CUX1: variants seen among roughly 807,000 people sequenced by gnomAD.
The protein encoded by CUX1 is protein CASP.
A neutral mutation model predicts 158.8 loss-of-function variants in CUX1; 31 were observed. That is an observed-to-expected ratio of 0.20 (90% CI 0.15 to 0.26). CUX1 has a LOEUF of 0.26. Among genes scored for constraint, CUX1 ranks in the 10% least tolerant of loss-of-function variants. The pLI, the probability that CUX1 is intolerant of heterozygous loss-of-function variation, is 1.00. For missense variants in CUX1, 1,589 were observed against 2,014.6 expected, an observed-to-expected ratio of 0.79 and a Z score of 4.04; for synonymous variants, 879 against 862.1, an observed-to-expected ratio of 1.02 and a Z score of -0.34.
At chr7:101,882,020 A>G (rs1350286407) in intron 1 of CUX1, among the ~76,000 whole-genome samples, 1 of 71,884 alleles carries the variant, frequency 1.4e-5, no homozygotes, top group Non-Finnish European at 2.6e-5. Context: ...TCTACCCAAA[A>G]ATAAAAAAAA....
chr7:101,858,261 T>C (rs867229986), intron 1 of CUX1, among the ~76,000 whole-genome samples: 9 of 152,222 alleles, frequency 5.9e-5, no homozygotes, highest in Non-Finnish European at 8.8e-5. Flanking sequence ...AGCACATGGC[T>C]AAAAACCCGG....
intron 8 of CUX1, among the ~76,000 whole-genome samples, chr7:102,121,872 G>C (rs527854303): frequency 6.6e-6 from 1 of 152,130 alleles, no homozygotes; most frequent in African/African-American, 2.4e-5. Context: ...TCTGGTGCCA[G>C]CTTTGTAATC....
chr7:102,233,909 AT>A (rs1554531657), intron 21 of CUX1, 142 bp from the exon 22 acceptor site: 1 of 492,622 alleles, frequency 2.0e-6, no homozygotes, highest in African/African-American at 2.0e-5. Flanking sequence ...TTTCTACCAC[AT>A]GTTTGCTGTA....
chr7:101,881,534 C>T (rs1799704848), intron 1 of CUX1, among the ~76,000 whole-genome samples: 1 of 152,202 alleles, frequency 6.6e-6, no homozygotes, highest in Non-Finnish European at 1.5e-5. Flanking sequence ...GTTTCTTGCT[C>T]TTATCTTTGT....
At chr7:102,258,326 C>A, downstream of CUX1, 1 of 389,310 alleles carries the variant, frequency 2.6e-6, no homozygotes, top group Non-Finnish European at 3.5e-6. Context: ...TCAAGAATCG[C>A]CGTTCCCGAG....
chr7:102,201,818 G>A lies in CUX1; in HGVS notation c.2521G>A (p.Ala841Thr). 1 of 1,613,028 alleles carries A rather than the reference G, an allele frequency of 6.2e-7. No homozygotes were observed. Among genetic ancestry groups the A allele is most frequent in the South Asian group, 1.1e-5 (1 of 91,076 alleles). The change falls in exon 18 of 24, where the codon GCC becomes ACC. Residue 841 changes from alanine to threonine, a missense_variant. Around this residue, in one of 8 missense-constraint regions of CUX1, gnomAD observed 337 missense variants for 409.3 expected, o/e 0.82. Coordinates refer to ENST00000292535, the MANE Select transcript of CUX1 (RefSeq NM_181552.4). This position sits in a 1 kb window ranked among gnomAD's most constrained non-coding sequence, Gnocchi z 5.0. ...ERRNAASSEE[A>T]KAEETGGGKE... Reference sequence around the variant, plus strand: ...AAGAAATGCCGCCTCCTCCGAGGAGGCCAAGGCCGAAGAAACGGGCGGCGG... The same window carrying A: ...AAGAAATGCCGCCTCCTCCGAGGAGACCAAGGCCGAAGAAACGGGCGGCGG...
chr7:101,848,884 T>C (rs73712569), intron 1 of CUX1, among the ~76,000 whole-genome samples: 3,867 of 146,452 alleles, frequency 0.026, 158 homozygotes, highest in African/African-American at 0.094. Context: ...GAAAAAAGTG[T>C]GTAGACTAAC....
At chr7:101,844,697 C>T (rs1795506972) in intron 1 of CUX1, among the ~76,000 whole-genome samples, 1 of 152,156 alleles carries the variant, frequency 6.6e-6, no homozygotes, top group Admixed American at 6.5e-5. Context: ...CTCACTGCAA[C>T]CTCCGCCTCC....
At chr7:102,282,652 G>A (rs1354895437) in intron 21 of CUX1, 1 of 1,574,698 alleles carries the variant, frequency 6.4e-7, no homozygotes, top group Non-Finnish European at 8.7e-7. Flanking sequence ...GGGGCCATGG[G>A]TGGGCTGCAG....
rs1213833608 is a variant in CUX1, at chr7:101,869,972, C to G, written c.31-46143C>G. 6.6e-6 allele frequency among the ~76,000 whole-genome samples: 1 copy of G among 151,812 alleles called. No individual in the cohort carries two copies. Among genetic ancestry groups the G allele is most frequent in the Non-Finnish European group, 1.5e-5 (1 of 67,964 alleles). On this transcript the variant is annotated intron_variant, in intron 1 of 23. Transcript: ENST00000292535. This position sits in a 1 kb window ranked among gnomAD's most constrained non-coding sequence, Gnocchi z 4.5. Reference sequence around the variant, plus strand: ...CTTGGGAAGGCGGCTCCTCGTGCCCCCCCTCTTGTGCCTTCCCTCCCCAGT... The same window carrying G: ...CTTGGGAAGGCGGCTCCTCGTGCCCGCCCTCTTGTGCCTTCCCTCCCCAGT...
At chr7:101,946,123 GGACA>G (rs752082734) in intron 2 of CUX1, among the ~76,000 whole-genome samples, 70 of 152,130 alleles carry the variant, frequency 4.6e-4, no homozygotes, top group Non-Finnish European at 8.7e-4. Flanking sequence ...TGTGATGTGT[GGACA>G]GACAGAGTAG....
In CUX1 at chr7:102,178,461, C is replaced by T; in HGVS notation, c.829-8C>T. The T allele has an allele frequency of 1.9e-6, 3 of 1,582,706 alleles. No homozygotes were observed. Among genetic ancestry groups the T allele is most frequent in the Non-Finnish European group, 2.6e-6 (3 of 1,158,160 alleles). ...GCGCAGTTTTGTCATCTCTTTTCTC[C>T]TCCCCAGGAGCAGGCCATAGAGGTG... On this transcript the variant is annotated splice_polypyrimidine_tract_variant and splice_region_variant and intron_variant, in intron 10 of 23. Coordinates refer to ENST00000292535, the MANE Select transcript of CUX1 (RefSeq NM_181552.4).
intron 2 of CUX1, among the ~76,000 whole-genome samples, chr7:101,920,317 T>G (rs982243815): frequency 1.3e-5 from 2 of 151,932 alleles, no homozygotes; most frequent in African/African-American, 4.8e-5. Context: ...AGAGGTGAGG[T>G]TTCACCATGT....
intron 4 of CUX1, among the ~76,000 whole-genome samples, chr7:102,088,750 T>A (rs781994364): frequency 2.0e-5 from 3 of 152,192 alleles, no homozygotes; most frequent in Non-Finnish European, 2.9e-5. Context: ...TCATATATAT[T>A]TTTTTAACCT....
At chr7:102,198,710 C>T (rs1173314481) in intron 15 of CUX1, 92 bp from the exon 16 acceptor site, 3 of 1,126,958 alleles carry the variant, frequency 2.7e-6, no homozygotes, top group Non-Finnish European at 4.0e-6. Context: ...TCTTTAGTGA[C>T]AGGCGGCTCA....
At chr7:101,824,171 T>C (rs2130941890) in intron 1 of CUX1, among the ~76,000 whole-genome samples, 1 of 152,302 alleles carries the variant, frequency 6.6e-6, no homozygotes, top group African/African-American at 2.4e-5. Flanking sequence ...CACCGCAACC[T>C]CCACCTCCCA....
intron 4 of CUX1, among the ~76,000 whole-genome samples, chr7:102,089,370 T>A (rs888487616): frequency 1.3e-5 from 2 of 152,370 alleles, no homozygotes; most frequent in Admixed American, 1.3e-4. Context: ...CCTATTGAAT[T>A]TTAGACATCA....
At position 102,255,513 on chromosome 7, in the gene CUX1, C is replaced by T; in HGVS notation, c.*6471C>T. The T allele has an allele frequency of 3.0e-6, 3 of 985,260 alleles. No individual in the cohort carries two copies. The highest frequency in any genetic ancestry group is 3.6e-6 in the Non-Finnish European group (3 of 829,904). The allele number at this position is 985,260 out of a possible 1,614,324, so 61.0% of individuals were successfully genotyped here. A position where few individuals can be genotyped will look rare whatever the true frequency, so the allele number is the denominator to read the frequency against. Reference sequence around the variant, plus strand: ...GCCTTTGAGTTGCTTTTCATGAATCCTTTTAGTTTACCCGATAATGTTAAG... The same window carrying T: ...GCCTTTGAGTTGCTTTTCATGAATCTTTTTAGTTTACCCGATAATGTTAAG... On this transcript the variant is annotated 3_prime_UTR_variant, in exon 24 of 24. Transcript: ENST00000292535.
intron 1 of CUX1, among the ~76,000 whole-genome samples, chr7:101,825,379 G>A (rs1793140039): frequency 6.6e-6 from 1 of 152,194 alleles, no homozygotes; most frequent in African/African-American, 2.4e-5. Context: ...CAGCCAAGTG[G>A]GAGACAAGTT....
Sources: gnomAD v4.1 joint callset for allele counts (sites outside exome capture counted in the v4.1 genomes callset) on GRCh38, gnomAD v4.1.1 for gene constraint, gnomAD v4.1.1 regional missense constraint, Gnocchi (gnomAD v3.1) non-coding constraint, MANE v1.5 for transcripts, NCBI Gene and HGNC (gene_info 2026-07-23, HGNC 2026-07-21) for gene names.